Variants in MYCBP2 observed in about 807,000 individuals in gnomAD.
The protein encoded by MYCBP2 is MYC binding protein 2, also known as E3 ubiquitin-protein ligase MYCBP2.
Under a neutral mutation model 525.3 loss-of-function variants are expected in MYCBP2, and 120 were observed. The observed-to-expected ratio is 0.23, with a 90% confidence interval of 0.20 to 0.27. MYCBP2 has a LOEUF of 0.27. Ranked by LOEUF, MYCBP2 falls within the 10% of genes least tolerant of loss-of-function variation. The pLI is 1.00. For synonymous variants in MYCBP2, 1,894 were observed against 1,955.8 expected (o/e 0.97, Z 0.83); for missense variants, 4,149 against 5,657.1 (o/e 0.73, Z 8.55).
chr13:77,094,529 C>A (rs1280495819), intron 58 of MYCBP2, among the ~76,000 whole-genome samples: 1 of 152,142 alleles, frequency 6.6e-6, no homozygotes, highest in Non-Finnish European at 1.5e-5. Flanking sequence ...GGCTACAGAG[C>A]CCGACATTAC....
chr13:77,251,144 C>CTCTT lies in MYCBP2; in HGVS notation c.2381+3_2381+6dup. 1 of 1,613,160 alleles carries CTCTT rather than the reference C, an allele frequency of 6.2e-7. No homozygotes were observed. Among genetic ancestry groups the CTCTT allele is most frequent in the South Asian group, 1.1e-5 (1 of 90,972 alleles). On this transcript the variant is annotated splice_region_variant and intron_variant, in intron 15 of 82. Transcript: ENST00000544440. The stretch of plus-strand genomic sequence containing the variant: ...CATGTTCTTTAGTAGGAATCATTGT[C>CTCTT]TCTTACCCTCCGGGGACTCTGTCTG...
intron 62 of MYCBP2, among the ~76,000 whole-genome samples, chr13:77,084,182 G>A (rs1419129873): frequency 1.3e-5 from 2 of 152,082 alleles, no homozygotes; most frequent in African/African-American, 4.8e-5. Flanking sequence ...TATATGATAA[G>A]GAGAACTTCA....
Position 77,087,610 on chromosome 13 carries a change from A to G in MYCBP2, c.10749T>C (p.Asn3583=), listed in dbSNP as rs755604016. Reference sequence around the variant, plus strand: ...CATGGAGAGAAGTGGTTTGGATGACATTACACAGAAGCCAGTTGAAAGCCT... The same window carrying G: ...CATGGAGAGAAGTGGTTTGGATGACGTTACACAGAAGCCAGTTGAAAGCCT... The part of the protein sequence containing the change: ...AMEAFNWLLC[N]VIQTTSLHDI... Residue 3583 remains asparagine, a synonymous_variant, in exon 62 of 83, where the codon AAT becomes AAC. Coordinates refer to ENST00000544440, the MANE Select transcript of MYCBP2 (RefSeq NM_015057.5). 1 of 1,612,544 alleles carries G rather than the reference A, an allele frequency of 6.2e-7. No homozygotes were observed. Among genetic ancestry groups the G allele is most frequent in the Admixed American group, 1.7e-5 (1 of 59,840 alleles).
chr13:77,154,018 T>G (rs1201067594), intron 46 of MYCBP2, among the ~76,000 whole-genome samples: 6 of 152,232 alleles, frequency 3.9e-5, no homozygotes, highest in Admixed American at 1.3e-4. Context: ...ATTGAAATAT[T>G]AGCTGCAAAT....
At chr13:77,066,206 T>C in intron 71 of MYCBP2, 118 bp from the exon 72 acceptor site, 1 of 671,114 alleles carries the variant, frequency 1.5e-6, no homozygotes, top group South Asian at 2.0e-5. Context: ...ACTGAATCAA[T>C]TAAAACATTT....
chr13:77,071,217 A>G (rs1182365839), intron 68 of MYCBP2, among the ~76,000 whole-genome samples: 1 of 108,716 alleles, frequency 9.2e-6, no homozygotes, highest in Non-Finnish European at 1.9e-5. Flanking sequence ...TCTAAGTGCC[A>G]CATATGTATA....
intron 21 of MYCBP2, among the ~76,000 whole-genome samples, chr13:77,214,366 A>G (rs1195733267): frequency 6.6e-6 from 1 of 152,228 alleles, no homozygotes; most frequent in African/African-American, 2.4e-5. Context: ...ATTACAAAGT[A>G]TTGGAAACCA....
chr13:77,326,778 T>C lies in MYCBP2; in HGVS notation c.-3A>G. On this transcript the variant is annotated 5_prime_UTR_variant, in exon 1 of 83. Coordinates refer to ENST00000544440, the MANE Select transcript of MYCBP2 (RefSeq NM_015057.5). This position sits in a 1 kb window ranked among gnomAD's most constrained non-coding sequence, Gnocchi z 4.2. ...GCAGTCGCTGCGCACATCATCATCC[T>C]CGCCGCCGCCGCCGCCGCCGCCGCC... 7.1e-7 allele frequency: 1 copy of C among 1,400,812 alleles called. No homozygotes were observed. Among genetic ancestry groups the C allele is most frequent in the Non-Finnish European group, 9.2e-7 (1 of 1,090,160 alleles). 86.8% of individuals were successfully genotyped at this position (1,400,812 alleles called of 1,614,324 possible). A position where few individuals can be genotyped will look rare whatever the true frequency, so the allele number is the denominator to read the frequency against.
intron 55 of MYCBP2, among the ~76,000 whole-genome samples, chr13:77,104,327 GAGT>G (rs2047534634): frequency 6.6e-6 from 1 of 152,088 alleles, no homozygotes. Flanking sequence ...TGTAAAGTAT[GAGT>G]ATATATTACG....
chr13:77,085,260 T>C (rs193055054), intron 62 of MYCBP2, among the ~76,000 whole-genome samples: 4 of 152,284 alleles, frequency 2.6e-5, no homozygotes, highest in South Asian at 2.1e-4. Flanking sequence ...TATTGTTTTG[T>C]TATCTAATTC....
intron 18 of MYCBP2, among the ~76,000 whole-genome samples, chr13:77,232,755 A>C (rs2067302628): frequency 6.6e-6 from 1 of 152,214 alleles, no homozygotes; most frequent in African/African-American, 2.4e-5. Flanking sequence ...TACTGAATTT[A>C]GTAATATTGT....
At chr13:77,318,231 G>A (rs1251932328) in intron 1 of MYCBP2, among the ~76,000 whole-genome samples, 1 of 152,202 alleles carries the variant, frequency 6.6e-6, no homozygotes, top group Non-Finnish European at 1.5e-5. Context: ...ATATTCAGCA[G>A]CAGCAGTTGC....
rs192992583 is a variant in MYCBP2 at position 77,263,632 on chromosome 13, A to G, written c.1570+19T>C. ...TTGAAAATTAAAATATAGGGAAAAC[A>G]CTTAATTTGCTATCTTACTTATAAT... On this transcript the variant is annotated intron_variant, in intron 10 of 82. Transcript: ENST00000544440. 8.1e-6 allele frequency: 13 copies of G among 1,599,352 alleles called. No homozygotes were observed. The highest frequency in any genetic ancestry group is 1.7e-4 in the Middle Eastern group (1 of 6,012).
intron 49 of MYCBP2, among the ~76,000 whole-genome samples, chr13:77,142,850 G>A (rs180764064): frequency 1.3e-5 from 2 of 152,290 alleles, no homozygotes; most frequent in East Asian, 1.9e-4. Context: ...TTGAAATTTT[G>A]AATTAGGGAT....
intron 13 of MYCBP2, 145 bp downstream of exon 13, chr13:77,260,283 C>G (rs1465182024): frequency 1.7e-5 from 10 of 599,436 alleles, no homozygotes; most frequent in Non-Finnish European, 2.4e-5. Context: ...GAAAATTTCT[C>G]TTTCGAAATA....
intron 82 of MYCBP2, among the ~76,000 whole-genome samples, chr13:77,047,872 C>A (rs1210961380): frequency 6.6e-6 from 1 of 152,170 alleles, no homozygotes; most frequent in Non-Finnish European, 1.5e-5. Context: ...CACATTCCTT[C>A]CCCTTTCCAG....
At chr13:77,089,440 A>G (rs1362483904) in intron 60 of MYCBP2, among the ~76,000 whole-genome samples, 1 of 152,106 alleles carries the variant, frequency 6.6e-6, no homozygotes, top group African/African-American at 2.4e-5. Flanking sequence ...ACAATCTTCA[A>G]TAATGTTTTT....
intron 2 of MYCBP2, among the ~76,000 whole-genome samples, chr13:77,294,162 T>C (rs2077926139): frequency 1.6e-5 from 1 of 63,844 alleles, no homozygotes. Context: ...AAAATATATA[T>C]AAAGTAGATA....
At chr13:77,224,154 T>TA (rs35867297) in intron 20 of MYCBP2, among the ~76,000 whole-genome samples, 35 of 152,302 alleles carry the variant, frequency 2.3e-4, no homozygotes, top group Admixed American at 1.9e-3. Flanking sequence ...GCACAGCCTT[T>TA]AAAAAGATAA....
Sources: allele counts gnomAD v4.1 joint callset (sites outside exome capture counted in the v4.1 genomes callset), GRCh38; gene constraint gnomAD v4.1.1; non-coding constraint Gnocchi (gnomAD v3.1); transcripts MANE v1.5; gene names NCBI Gene and HGNC (gene_info 2026-07-23, HGNC 2026-07-21).